Variants in MARF1 observed in about 807,000 individuals in gnomAD.
The protein encoded by MARF1 is limkain-b1.
Under a neutral mutation model 168.2 loss-of-function variants are expected in MARF1, and 24 were observed. The observed-to-expected ratio is 0.14, with a 90% CI of 0.10 to 0.20. The LOEUF is 0.20. Among genes scored for constraint, MARF1 ranks in the 10% least tolerant of loss-of-function variants. The pLI is 1.00. For missense variants in MARF1, 1,744 were observed against 2,143.6 expected (o/e 0.81, Z 3.68); for synonymous variants, 868 against 822.4 (o/e 1.06, Z -0.95).
rs371133735 is a variant in MARF1, at chr16:15,600,516, A to T, written c.4725T>A (p.His1575Gln). The T allele has an allele frequency of 1.9e-5, 31 of 1,614,090 alleles. No homozygotes were observed. Among genetic ancestry groups the T allele is most frequent in the Non-Finnish European group, 2.6e-5 (31 of 1,180,048 alleles). Residue 1575 changes from histidine to glutamine, a missense_variant, in exon 25 of 27, where the codon CAT becomes CAA. By Grantham distance (24) the His-to-Gln change is conservative. This residue lies in a region of MARF1 where 313 missense variants were observed against 337.4 expected (regional missense o/e 0.93). Coordinates refer to ENST00000396368, the MANE Select transcript of MARF1 (RefSeq NM_014647.4). ...GCTCGCCCTCCGAGGGCTGGTTTTC[A>T]TGATTGGCAGGGGAGAGACTGAGTG... Reference protein sequence around the residue: ...LSSLSLSPANHENQPSEGERI... With the variant: ...LSSLSLSPANQENQPSEGERI...
intron 7 of MARF1, among the ~76,000 whole-genome samples, chr16:15,626,707 C>G (rs1007387288): frequency 2.0e-5 from 3 of 152,026 alleles, no homozygotes; most frequent in Admixed American, 2.0e-4. Context: ...CGCCTGTCAT[C>G]GCAACACTCT....
chr16:15,642,013 G>T (rs762274889), intron 1 of MARF1, among the ~76,000 whole-genome samples: 1 of 152,166 alleles, frequency 6.6e-6, no homozygotes, highest in African/African-American at 2.4e-5. Flanking sequence ...TCTCCAATTT[G>T]ACTGCGGTGC....
At chr16:15,618,008 T>C (rs548921229) in intron 13 of MARF1, among the ~76,000 whole-genome samples, 3 of 152,344 alleles carry the variant, frequency 2.0e-5, no homozygotes, top group African/African-American at 7.2e-5. Flanking sequence ...GTATCTTTCT[T>C]ACTTGGAACT....
Position 15,609,567 on chromosome 16 carries a change from T to G in MARF1, c.3910A>C (p.Thr1304Pro). 2 of 1,614,194 alleles carry G rather than the reference T, an allele frequency of 1.2e-6. No individual in the cohort carries two copies. The highest frequency in any genetic ancestry group is 2.2e-5 in the South Asian group (2 of 91,090). ...RQCKLAYYGF[T>P]KLLELFEAIP... ...GCTTCAAAAAGTTCAAGTAGTTTGG[T>G]AAACCCATAGTACGCAAGTTTGCAC... Residue 1304 changes from threonine to proline, a missense_variant, in exon 20 of 27, where the codon ACC becomes CCC. Thr to Pro is a conservative substitution (Grantham distance 38). Around this residue, in one of 7 missense-constraint regions of MARF1, gnomAD observed 543 missense variants for 742.1 expected, o/e 0.73. Transcript: ENST00000396368.
At chr16:15,596,978 T>C (rs1464707936) in intron 26 of MARF1, 41 bp from the exon 27 acceptor site, 1 of 1,547,236 alleles carries the variant, frequency 6.5e-7, no homozygotes, top group African/African-American at 1.4e-5. Context: ...ATCCAGGAAC[T>C]GTAAGAAGTG....
In MARF1 at chr16:15,610,869, C is replaced by A. The variant is rs558069731; in HGVS notation, c.3751+106G>T. 3.2e-4 allele frequency: 359 copies of A among 1,111,608 alleles called. 7 individuals are homozygous for A. In the South Asian group the frequency reaches 4.4e-3, roughly 14 times the overall value. 68.9% of individuals were successfully genotyped at this position (1,111,608 alleles called of 1,614,324 possible). ...TTTCACACTGTGCTTTCTGTGGAAT[C>A]TTCAGGAAGCACGGACAGGGAGGGA... On this transcript the variant is annotated intron_variant, in intron 19 of 26. Transcript: ENST00000396368.
chr16:15,607,053 A>C (rs1407000577), intron 21 of MARF1, among the ~76,000 whole-genome samples: 1 of 152,144 alleles, frequency 6.6e-6, no homozygotes. Context: ...TAAACCTGGA[A>C]GTCAGGCAGT....
In MARF1 at chr16:15,596,413, T is replaced by C. The variant is rs1480815753; in HGVS notation, c.*280A>G. 1 of 262,222 alleles carries C rather than the reference T, an allele frequency of 3.8e-6. No individual in the cohort carries two copies. 16.2% of individuals were successfully genotyped at this position (262,222 alleles called of 1,614,324 possible). A position where few individuals can be genotyped will look rare whatever the true frequency, so the allele number is the denominator to read the frequency against. ...TTTGGAACACCATTGTATTTCATAA[T>C]AGTTACTAAAAATTTGGTAAAATAT... On this transcript the variant is annotated 3_prime_UTR_variant, in exon 27 of 27. Coordinates refer to ENST00000396368, the MANE Select transcript of MARF1 (RefSeq NM_014647.4).
rs2035510500 is a variant in MARF1 at position 15,635,307 on chromosome 16, T to C, written c.831+349A>G. The C allele has an allele frequency of 1.0e-5, 4 of 399,770 alleles. No individual in the cohort carries two copies. In the South Asian group the frequency reaches 2.1e-4, roughly 21 times the overall value. The allele number at this position is 399,770 out of a possible 1,614,324, so 24.8% of individuals were successfully genotyped here. On this transcript the variant is annotated intron_variant, in intron 3 of 26. Coordinates refer to ENST00000396368, the MANE Select transcript of MARF1 (RefSeq NM_014647.4). Reference sequence around the variant, plus strand: ...ATTGCAAAAAGACAACATGCAGTTATCTACCTTACATGAATGGGCCCATGT... The same window carrying C: ...ATTGCAAAAAGACAACATGCAGTTACCTACCTTACATGAATGGGCCCATGT...
chr16:15,621,546 C>T (rs1289112232), intron 12 of MARF1, 187 bp downstream of exon 12: 1 of 610,582 alleles, frequency 1.6e-6, no homozygotes, highest in East Asian at 2.9e-5. Flanking sequence ...TGTATTCCAG[C>T]TTTGATTAAT....
chr16:15,630,371 G>A lies in MARF1; in HGVS notation c.1485C>T (p.Phe495=). 6.2e-7 allele frequency: 1 copy of A among 1,608,852 alleles called. No individual in the cohort carries two copies. Residue 495 remains phenylalanine, a synonymous_variant, in exon 7 of 27, where the codon TTC becomes TTT. Coordinates refer to ENST00000396368, the MANE Select transcript of MARF1 (RefSeq NM_014647.4). ...HANELIRFEE[F]ISDLPPRLPL... is the part of the protein sequence containing the mutation. The stretch of plus-strand genomic sequence containing the variant: ...GTAACCTGGGGGGCAAGTCGGAAAT[G>A]AACTCTTCAAATCTGATCAGCTCGT...
Position 15,594,522 on chromosome 16 carries a change from C to CA in MARF1, c.*2170dup, listed in dbSNP as rs1362642356. 1 of 152,566 alleles carries CA rather than the reference C, an allele frequency of 6.6e-6. No homozygotes were observed. The highest frequency in any genetic ancestry group is 2.4e-5 in the African/African-American group (1 of 41,420). The allele number at this position is 152,566 out of a possible 1,614,324, so 9.5% of individuals were successfully genotyped here. On this transcript the variant is annotated 3_prime_UTR_variant, in exon 27 of 27. Transcript: ENST00000396368. ...TCTTTCCCCCAAACCCAATCCAAAA[C>CA]AAACAGTGCAAGATGGGAAAGGGGG...
At chr16:15,637,192 TAGG>T (rs1281500649) in intron 2 of MARF1, among the ~76,000 whole-genome samples, 1 of 152,124 alleles carries the variant, frequency 6.6e-6, no homozygotes, top group African/African-American at 2.4e-5. Context: ...CTAGAGTTGC[TAGG>T]AGGATAAAAT....
rs775017207 is a variant in MARF1 at position 15,598,850 on chromosome 16, C to T, written c.4984+4G>A. ...AATCCCCATGACAACATGGAGTCAC[C>T]CACCAGAAGGCTCTTGAGGGCGCTC... On this transcript the variant is annotated splice_donor_region_variant and intron_variant, in intron 26 of 26. Coordinates refer to ENST00000396368, the MANE Select transcript of MARF1 (RefSeq NM_014647.4). 13 of 1,613,810 alleles carry T rather than the reference C, an allele frequency of 8.1e-6. No individual in the cohort carries two copies. In the East Asian group the frequency reaches 2.9e-4, roughly 36 times the overall value.
At position 15,595,516 on chromosome 16, in the gene MARF1, A is replaced by C. The variant is rs1386407264; in HGVS notation, c.*1177T>G. The C allele has an allele frequency of 6.6e-6, 1 of 152,642 alleles. No individual in the cohort carries two copies. Among genetic ancestry groups the C allele is most frequent in the African/African-American group, 2.4e-5 (1 of 41,454 alleles). 9.5% of individuals were successfully genotyped at this position (152,642 alleles called of 1,614,324 possible). ...AGAGGGGGGTGAGAGGCCACCCGTC[A>C]GCGGACACCTCAGGCACCTAGAGAG... On this transcript the variant is annotated 3_prime_UTR_variant, in exon 27 of 27. Coordinates refer to ENST00000396368, the MANE Select transcript of MARF1 (RefSeq NM_014647.4).
intron 25 of MARF1, among the ~76,000 whole-genome samples, chr16:15,600,083 T>C (rs548928228): frequency 2.4e-4 from 37 of 152,306 alleles, no homozygotes; most frequent in African/African-American, 8.7e-4. Flanking sequence ...AGGCTATGTA[T>C]TGGGAGTTGG....
Position 15,596,032 on chromosome 16 carries a change from A to G in MARF1, c.*661T>C, listed in dbSNP as rs767150718. ...CTAGAAAGCTCCTAAATGGAACCCC[A>G]AAGTAGAAACGTTTAAAAAAATTTG... On this transcript the variant is annotated 3_prime_UTR_variant, in exon 27 of 27. Transcript: ENST00000396368. The G allele has an allele frequency of 6.6e-6, 1 of 152,630 alleles. No homozygotes were observed. The highest frequency in any genetic ancestry group is 1.5e-5 in the Non-Finnish European group (1 of 68,040). 9.5% of individuals were successfully genotyped at this position (152,630 alleles called of 1,614,324 possible).
At chr16:15,636,798 T>C (rs9926561) in intron 2 of MARF1, among the ~76,000 whole-genome samples, 16,410 of 152,166 alleles carry the variant, frequency 0.11, 1,967 homozygotes, top group African/African-American at 0.29. Context: ...TAAGGGGTTT[T>C]AGTAAGATCC....
chr16:15,612,731 C>G lies in MARF1; in HGVS notation c.3300G>C (p.Leu1100=), dbSNP rs761826677. 3 of 1,614,128 alleles carry G rather than the reference C, an allele frequency of 1.9e-6. No homozygotes were observed. The South Asian group carries it at 3.3e-5, about 18-fold the overall frequency. The part of the protein sequence containing the change: ...RSKSPVGNPQ[L]IQFSREVIDL... ...CAATCACTTCTCTACTGAACTGGATCAGCTGGGGGTTACCTACAGGACTCT... is the reference window on the plus strand; with the variant it reads ...CAATCACTTCTCTACTGAACTGGATGAGCTGGGGGTTACCTACAGGACTCT... The change falls in exon 17 of 27, where the codon CTG becomes CTC. Residue 1100 remains leucine (L), a synonymous_variant. Coordinates refer to ENST00000396368, the MANE Select transcript of MARF1 (RefSeq NM_014647.4).
Sources: allele counts gnomAD v4.1 joint callset (sites outside exome capture counted in the v4.1 genomes callset), GRCh38; gene constraint gnomAD v4.1.1; regional missense constraint gnomAD v4.1.1; transcripts MANE v1.5; gene names NCBI Gene and HGNC (gene_info 2026-07-23, HGNC 2026-07-21).